Variants in DTNA observed in about 807,000 individuals in gnomAD.
DTNA encodes dystrobrevin alpha, also known as dystrophin-related protein 3.
In DTNA, 43 loss-of-function variants were observed where a neutral mutation model predicts 100.7. The observed-to-expected ratio is 0.43, with a 90% CI of 0.33 to 0.55. The LOEUF (loss-of-function observed/expected upper bound fraction) is 0.55, where lower values mean the gene tolerates loss of function less well. Ranked by LOEUF, DTNA falls within the 20% of genes least tolerant of loss-of-function variation. The pLI is 0.04. For synonymous variants in DTNA, 349 were observed against 347.9 expected (o/e 1.00, Z -0.04); for missense variants, 798 against 953.9 (o/e 0.84, Z 2.15).
intron 1 of DTNA, among the ~76,000 whole-genome samples, chr18:34,684,837 G>T (rs112148751): frequency 0.049 from 7,427 of 152,070 alleles, 290 homozygotes; most frequent in Non-Finnish European, 0.076. Flanking sequence ...AATGATCGCC[G>T]TTCTAACTGG....
chr18:34,671,716 A>G (rs1321282754), intron 1 of DTNA, among the ~76,000 whole-genome samples: 1 of 152,034 alleles, frequency 6.6e-6, no homozygotes, highest in African/African-American at 2.4e-5. Context: ...TTTGTTCTAT[A>G]TCTAGTTTTA....
intron 1 of DTNA, among the ~76,000 whole-genome samples, chr18:34,658,055 T>C (rs962144485): frequency 6.6e-6 from 1 of 152,144 alleles, no homozygotes; most frequent in African/African-American, 2.4e-5. Flanking sequence ...TCTGTTTGAC[T>C]CCAAAACTCC....
chr18:34,679,973 T>A lies in DTNA; in HGVS notation c.-1-76003T>A, dbSNP rs73416416. 1.6e-3 allele frequency among the ~76,000 whole-genome samples: 244 copies of A among 152,300 alleles called. 1 individual carries two copies. Among genetic ancestry groups the A allele is most frequent in the African/African-American group, 5.1e-3 (212 of 41,580 alleles). On this transcript the variant is annotated intron_variant, in intron 1 of 19. Transcript: ENST00000283365. ...TAAAATGTATTTAATATCAGTGTAATAAACCAGAATGAGACAAAATTTTTG... is the reference window on the plus strand; with the variant it reads ...TAAAATGTATTTAATATCAGTGTAAAAAACCAGAATGAGACAAAATTTTTG...
At chr18:34,509,883 G>A (rs1317096199) in intron 1 of DTNA, among the ~76,000 whole-genome samples, 1 of 152,002 alleles carries the variant, frequency 6.6e-6, no homozygotes, top group Non-Finnish European at 1.5e-5. Context: ...TTGTCCCATG[G>A]TTATACAATT....
At chr18:34,619,115 A>G (rs552548627) in intron 1 of DTNA, among the ~76,000 whole-genome samples, 7 of 152,298 alleles carry the variant, frequency 4.6e-5, no homozygotes, top group South Asian at 4.1e-4. Context: ...TATCATTTAA[A>G]AGGTATTGGA....
At chr18:34,686,085 C>T (rs1186554951) in intron 1 of DTNA, among the ~76,000 whole-genome samples, 1 of 152,162 alleles carries the variant, frequency 6.6e-6, no homozygotes, top group Admixed American at 6.6e-5. Context: ...CATCTGCAAA[C>T]AAAGATAATT....
intron 5 of DTNA, among the ~76,000 whole-genome samples, chr18:34,810,516 A>G (rs182898803): frequency 3.2e-3 from 479 of 150,442 alleles, no homozygotes; most frequent in Non-Finnish European, 5.7e-3. Context: ...AATTGTGCTT[A>G]TTAGAGGCTG....
intron 1 of DTNA, among the ~76,000 whole-genome samples, chr18:34,690,764 C>A (rs1054730013): frequency 6.6e-6 from 1 of 152,200 alleles, no homozygotes; most frequent in African/African-American, 2.4e-5. Flanking sequence ...TAACACAGTG[C>A]TTGGCACACT....
At chr18:34,563,515 T>C (rs1386006550) in intron 1 of DTNA, among the ~76,000 whole-genome samples, 1 of 152,264 alleles carries the variant, frequency 6.6e-6, no homozygotes, top group Admixed American at 6.5e-5. Flanking sequence ...GTAGGGTTTA[T>C]GTTTTAAGAG....
At chr18:34,738,064 G>C (rs1039119850) in intron 1 of DTNA, among the ~76,000 whole-genome samples, 1 of 152,118 alleles carries the variant, frequency 6.6e-6, no homozygotes, top group East Asian at 1.9e-4. Context: ...AGAGGGGTTA[G>C]GATATCTATG....
At chr18:34,844,250 T>C (rs960794970) in intron 13 of DTNA, among the ~76,000 whole-genome samples, 9 of 152,166 alleles carry the variant, frequency 5.9e-5, no homozygotes, top group Non-Finnish European at 1.0e-4. Context: ...ATTATTGTGG[T>C]AAATTCTTAT....
At chr18:34,513,959 G>C (rs2041340973) in intron 1 of DTNA, 1 of 152,096 alleles carries the variant, frequency 6.6e-6, no homozygotes, top group Non-Finnish European at 1.5e-5. Flanking sequence ...GCCTATGCAG[G>C]TAACGACTCT....
intron 1 of DTNA, among the ~76,000 whole-genome samples, chr18:34,644,081 A>T (rs190938384): frequency 1.1e-3 from 164 of 152,102 alleles, no homozygotes; most frequent in African/African-American, 3.8e-3. Context: ...TATTTTAAAT[A>T]AAAAAAATAA....
intron 7 of DTNA, 185 bp from the exon 8 acceptor site, chr18:34,817,979 C>T: frequency 4.0e-6 from 6 of 1,488,970 alleles, no homozygotes; most frequent in Non-Finnish European, 5.4e-6. Context: ...CATTTCCCCA[C>T]AGGCATGATT....
chr18:34,619,467 T>C (rs2056023515), intron 1 of DTNA, among the ~76,000 whole-genome samples: 2 of 152,102 alleles, frequency 1.3e-5, no homozygotes, highest in African/African-American at 4.8e-5. Context: ...GAGCCTAATG[T>C]TCTAAGGAAA....
At position 34,890,012 on chromosome 18, in the gene DTNA, A is replaced by G; in HGVS notation, c.*2278A>G. Reference sequence around the variant, plus strand: ...CTACCTATAATGCTGTCAGCTCAAAATCATAGCCAGGTAGTTCTTGAACTC... The same window carrying G: ...CTACCTATAATGCTGTCAGCTCAAAGTCATAGCCAGGTAGTTCTTGAACTC... On this transcript the variant is annotated 3_prime_UTR_variant, in exon 23 of 23. Coordinates refer to ENST00000444659, the MANE Select transcript of DTNA (RefSeq NM_001386795.1). 1 of 1,236,834 alleles carries G rather than the reference A, an allele frequency of 8.1e-7. No homozygotes were observed. Among genetic ancestry groups the G allele is most frequent in the African/African-American group, 1.5e-5 (1 of 65,420 alleles). The allele number at this position is 1,236,834 out of a possible 1,614,324, so 76.6% of individuals were successfully genotyped here. A position where few individuals can be genotyped will look rare whatever the true frequency, so the allele number is the denominator to read the frequency against.
At chr18:34,580,898 G>C (rs894274956) in intron 1 of DTNA, among the ~76,000 whole-genome samples, 2 of 152,120 alleles carry the variant, frequency 1.3e-5, no homozygotes, top group South Asian at 4.1e-4. Context: ...TTCTCTCTGT[G>C]GTTGTGGGGC....
At chr18:34,558,390 TC>T (rs897397337) in intron 1 of DTNA, among the ~76,000 whole-genome samples, 8 of 152,236 alleles carry the variant, frequency 5.3e-5, no homozygotes, top group Non-Finnish European at 1.2e-4. Context: ...TCTTGGCTCT[TC>T]CCCCCTAGTT....
At chr18:34,541,283 A>G (rs1026895804) in intron 1 of DTNA, among the ~76,000 whole-genome samples, 2 of 152,090 alleles carry the variant, frequency 1.3e-5, no homozygotes, top group African/African-American at 4.8e-5. Flanking sequence ...GTTGAGATAC[A>G]TGTTGTCAAA....
Sources: gnomAD v4.1 joint callset for allele counts (sites outside exome capture counted in the v4.1 genomes callset) on GRCh38, gnomAD v4.1.1 for gene constraint, MANE v1.5 for transcripts, NCBI Gene and HGNC (gene_info 2026-07-23, HGNC 2026-07-21) for gene names.